The following SLC25A13 variants were observed in gnomAD, a reference collection of about 807,000 sequenced individuals.
The protein encoded by SLC25A13 is electrogenic aspartate/glutamate antiporter SLC25A13, mitochondrial.
A neutral mutation model predicts 85.5 loss-of-function variants in SLC25A13; 70 were observed. The ratio of observed to expected loss-of-function variants is 0.82; its 90% CI spans 0.68 to 1.00. The LOEUF is 1.00. SLC25A13 is among the 50% of genes least tolerant of loss of function. The pLI is 0.00. For missense variants in SLC25A13, 765 were observed against 819.8 expected, an observed-to-expected ratio of 0.93 and a Z score of 0.82; for synonymous variants, 259 against 288.7, an observed-to-expected ratio of 0.90 and a Z score of 1.04.
At chr7:96,157,473 G>A (rs1793327756) in intron 13 of SLC25A13, among the ~76,000 whole-genome samples, 1 of 152,088 alleles carries the variant, frequency 6.6e-6, no homozygotes, top group Non-Finnish European at 1.5e-5. Context: ...TTCTGGTTTG[G>A]CACAGGGAAG....
At position 96,205,453 on chromosome 7, in the gene SLC25A13, T is replaced by C. The variant is rs114534811; in HGVS notation, c.468+3385A>G. On this transcript the variant is annotated intron_variant, in intron 5 of 17. Transcript: ENST00000265631. ...ACACATACCATCATTCATGAAGTTATATGGAGATGAAGTTAACTGGGCATT... is the reference window on the plus strand; with the variant it reads ...ACACATACCATCATTCATGAAGTTACATGGAGATGAAGTTAACTGGGCATT... 9.3e-3 allele frequency among the ~76,000 whole-genome samples: 1,413 copies of C among 152,276 alleles called. 24 individuals carry two copies. Among genetic ancestry groups the C allele is most frequent in the African/African-American group, 0.033 (1,358 of 41,540 alleles).
intron 4 of SLC25A13, among the ~76,000 whole-genome samples, chr7:96,229,551 T>C (rs1796452730): frequency 6.6e-6 from 1 of 152,126 alleles, no homozygotes; most frequent in South Asian, 2.1e-4. Context: ...CAATAAATCT[T>C]GCTGCTGCTC....
rs1793341922 is a variant in SLC25A13 at position 96,157,748 on chromosome 7, C to T, written c.1312-11052G>A. ...CCCAGGAGGCGGAGGTTACAGTGAG[C>T]CAAGATTACACCACTGCACTCCAGC... On this transcript the variant is annotated intron_variant, in intron 13 of 17. Coordinates refer to ENST00000265631, the MANE Select transcript of SLC25A13 (RefSeq NM_014251.3). 2.0e-5 allele frequency among the ~76,000 whole-genome samples: 3 copies of T among 152,220 alleles called. No homozygotes were observed. The South Asian group carries it at 6.2e-4, about 32-fold the overall frequency.
intron 5 of SLC25A13, among the ~76,000 whole-genome samples, chr7:96,202,915 A>T (rs1396647403): frequency 6.6e-6 from 1 of 152,122 alleles, no homozygotes; most frequent in Non-Finnish European, 1.5e-5. Flanking sequence ...TCCCCTTCCC[A>T]TTAAATCATG....
chr7:96,273,635 C>T (rs1386248779), intron 3 of SLC25A13, among the ~76,000 whole-genome samples: 1 of 152,076 alleles, frequency 6.6e-6, no homozygotes, highest in African/African-American at 2.4e-5. Flanking sequence ...TGTACAAAGA[C>T]AGCACAAAGA....
chr7:96,175,417 C>T (rs1263789095), intron 11 of SLC25A13, among the ~76,000 whole-genome samples: 1 of 152,198 alleles, frequency 6.6e-6, no homozygotes, highest in African/African-American at 2.4e-5. Flanking sequence ...GGAGCACTCG[C>T]TATATCCACA....
intron 1 of SLC25A13, among the ~76,000 whole-genome samples, chr7:96,297,739 C>G (rs879048624): frequency 4.6e-5 from 7 of 152,198 alleles, no homozygotes; most frequent in African/African-American, 1.4e-4. Context: ...TACCTCACTA[C>G]CTGGGCATGC....
intron 13 of SLC25A13, among the ~76,000 whole-genome samples, chr7:96,167,175 A>G (rs1793787586): frequency 6.6e-6 from 1 of 152,260 alleles, no homozygotes; most frequent in Non-Finnish European, 1.5e-5. Flanking sequence ...GCTCTAAACT[A>G]AAACTAATCT....
Position 96,170,080 on chromosome 7 carries a change from C to T in SLC25A13, c.1276G>A (p.Val426Ile). 8 of 1,614,134 alleles carry T rather than the reference C, an allele frequency of 5.0e-6. No individual in the cohort carries two copies. The highest frequency in any genetic ancestry group is 4.2e-6 in the Non-Finnish European group (5 of 1,180,028). ...GCAAGAATTTCTGCTGCAAGTGGGACCGAACCATCTTTGTGCATAAATTTA... is the reference window on the plus strand; with the variant it reads ...GCAAGAATTTCTGCTGCAAGTGGGATCGAACCATCTTTGTGCATAAATTTA... Reference protein sequence around the residue: ...RDKFMHKDGSVPLAAEILAGG... With the variant: ...RDKFMHKDGSIPLAAEILAGG... Residue 426 changes from valine (V) to isoleucine (I), a missense_variant, in exon 13 of 18, where the codon GTC becomes ATC. Val to Ile is a conservative substitution (Grantham distance 29). Coordinates refer to ENST00000265631, the MANE Select transcript of SLC25A13 (RefSeq NM_014251.3).
intron 4 of SLC25A13, among the ~76,000 whole-genome samples, chr7:96,215,537 A>G (rs1795862842): frequency 6.6e-6 from 1 of 152,160 alleles, no homozygotes; most frequent in Admixed American, 6.5e-5. Context: ...ATTTCCAACA[A>G]AGGTAACAGA....
At chr7:96,191,022 A>G in intron 7 of SLC25A13, 87 bp downstream of exon 7, 1 of 1,482,606 alleles carries the variant, frequency 6.7e-7, no homozygotes, top group Non-Finnish European at 9.4e-7. Context: ...GGGATAGAAA[A>G]ATAATAAAGT....
At chr7:96,205,159 C>T (rs1309239254) in intron 5 of SLC25A13, among the ~76,000 whole-genome samples, 4 of 152,272 alleles carry the variant, frequency 2.6e-5, no homozygotes, top group South Asian at 2.1e-4. Flanking sequence ...CCACCCGCCT[C>T]GGCCTCCCAA....
intron 4 of SLC25A13, among the ~76,000 whole-genome samples, chr7:96,215,372 G>A (rs1444203343): frequency 1.3e-5 from 2 of 152,142 alleles, no homozygotes; most frequent in East Asian, 3.9e-4. Context: ...TGGGATTATA[G>A]GCTTGATCCA....
rs977455999 is a variant in SLC25A13, at chr7:96,121,224, T to C, written c.1995A>G (p.Val665=). The change falls in exon 18 of 18, where the codon GTA becomes GTG. Residue 665 remains valine (V), a synonymous_variant. Transcript: ENST00000265631. ...GLYLPLFKPS[V]STSKAIGGGP is the part of the protein sequence containing the mutation. ...CTCCACCAATAGCCTTTGAGGTAGA[T>C]ACTGATGGCTTGAAGAGAGGTAGGT... The C allele has an allele frequency of 3.1e-6, 5 of 1,614,076 alleles. No homozygotes were observed. The highest frequency in any genetic ancestry group is 1.3e-5 in the African/African-American group (1 of 74,924).
At chr7:96,153,865 T>C (rs1163337201) in intron 13 of SLC25A13, among the ~76,000 whole-genome samples, 1 of 152,148 alleles carries the variant, frequency 6.6e-6, no homozygotes, top group African/African-American at 2.4e-5. Context: ...CTTTTACAAG[T>C]GGCATTAATA....
chr7:96,132,004 T>C lies in SLC25A13; in HGVS notation c.1453-123A>G, dbSNP rs771340599. On this transcript the variant is annotated intron_variant, in intron 14 of 17. Coordinates refer to ENST00000265631, the MANE Select transcript of SLC25A13 (RefSeq NM_014251.3). ...AGAAGACCAAATTTGTACTCACACA[T>C]TGAAAGGGGAACAGAAAAAAATAAC... is the stretch of plus-strand genomic sequence containing the variant. 3.9e-5 allele frequency: 48 copies of C among 1,231,396 alleles called. 1 individual carries two copies. The highest frequency in any genetic ancestry group is 3.8e-4 in the South Asian group (30 of 78,198). 76.3% of individuals were successfully genotyped at this position (1,231,396 alleles called of 1,614,324 possible). A position where few individuals can be genotyped will look rare whatever the true frequency, so the allele number is the denominator to read the frequency against.
intron 1 of SLC25A13, among the ~76,000 whole-genome samples, chr7:96,301,898 G>A (rs996058250): frequency 1.1e-4 from 17 of 152,128 alleles, no homozygotes; most frequent in Non-Finnish European, 2.1e-4. Context: ...AAAGTGCTGG[G>A]TTTACAAGCA....
chr7:96,165,254 G>A (rs1316160974), intron 13 of SLC25A13, among the ~76,000 whole-genome samples: 2 of 152,134 alleles, frequency 1.3e-5, no homozygotes, highest in Non-Finnish European at 2.9e-5. Context: ...GAAGAAGGGA[G>A]GGATGATGGG....
chr7:96,196,230 T>A (rs1485287774), intron 5 of SLC25A13, among the ~76,000 whole-genome samples: 2 of 152,184 alleles, frequency 1.3e-5, no homozygotes, highest in African/African-American at 2.4e-5. Flanking sequence ...CGTATTCAAT[T>A]GAAAGTAAAT....
Sources: gnomAD v4.1 joint callset for allele counts (sites outside exome capture counted in the v4.1 genomes callset) on GRCh38, gnomAD v4.1.1 for gene constraint, MANE v1.5 for transcripts, NCBI Gene and HGNC (gene_info 2026-07-23, HGNC 2026-07-21) for gene names.